HMCN1: variants seen among roughly 807,000 people sequenced by gnomAD.
HMCN1 encodes the protein hemicentin-1.
A neutral mutation model predicts 625.9 loss-of-function variants in HMCN1; 321 were observed. That is an observed-to-expected ratio of 0.51 (90% CI 0.47 to 0.56). The LOEUF (loss-of-function observed/expected upper bound fraction) is 0.56, where lower values mean the gene tolerates loss of function less well. Ranked by LOEUF, HMCN1 falls within the 20% of genes least tolerant of loss-of-function variation. The pLI is 0.00. For missense variants in HMCN1, 6,588 were observed against 6,887.3 expected, an observed-to-expected ratio of 0.96 and a Z score of 1.54; for synonymous variants, 2,425 against 2,417.6, an observed-to-expected ratio of 1.00 and a Z score of -0.09.
intron 12 of HMCN1, 59 bp from the exon 13 acceptor site, chr1:185,963,709 T>C: frequency 1.6e-6 from 2 of 1,261,460 alleles, no homozygotes; most frequent in Non-Finnish European, 1.2e-6. Context: ...CACTATATTA[T>C]CTTGATATTA....
intron 62 of HMCN1, 100 bp from the exon 63 acceptor site, chr1:186,088,506 T>C (rs1379362070): frequency 7.0e-7 from 1 of 1,423,032 alleles, no homozygotes; most frequent in African/African-American, 1.4e-5. Flanking sequence ...TTTTAAGAAA[T>C]GCATTTATCA....
At chr1:185,907,965 A>G (rs1666189309) in intron 4 of HMCN1, among the ~76,000 whole-genome samples, 1 of 151,848 alleles carries the variant, frequency 6.6e-6, no homozygotes, top group Non-Finnish European at 1.5e-5. Context: ...GTAGAGCAAA[A>G]CACTTTGTTT....
chr1:185,989,229 T>C (rs145678181), intron 20 of HMCN1, among the ~76,000 whole-genome samples: 5,471 of 152,064 alleles, frequency 0.036, 145 homozygotes, highest in Non-Finnish European at 0.054. Flanking sequence ...TCTCCTGACC[T>C]TGTGATCTGC....
chr1:186,121,698 A>C (rs908523851), intron 80 of HMCN1, among the ~76,000 whole-genome samples: 2 of 152,182 alleles, frequency 1.3e-5, no homozygotes, highest in African/African-American at 4.8e-5. Context: ...ATATATATGA[A>C]TTTGGAGCTC....
chr1:185,961,203 C>T (rs575379523), intron 11 of HMCN1, among the ~76,000 whole-genome samples: 8 of 152,284 alleles, frequency 5.3e-5, no homozygotes, highest in South Asian at 2.1e-4. Context: ...TAGCTGCTGC[C>T]GCCCAGCATA....
intron 11 of HMCN1, among the ~76,000 whole-genome samples, chr1:185,948,493 C>T (rs1668460599): frequency 1.3e-5 from 2 of 149,988 alleles, no homozygotes; most frequent in African/African-American, 4.9e-5. Flanking sequence ...GCAAGGTGCT[C>T]AGTGGGGGTG....
intron 101 of HMCN1, 101 bp from the exon 102 acceptor site, chr1:186,171,905 G>A (rs2102636975): frequency 9.9e-7 from 1 of 1,013,730 alleles, no homozygotes; most frequent in Admixed American, 2.0e-5. Flanking sequence ...TGCAATGAAT[G>A]TATATATAAA....
chr1:185,973,242 G>A (rs992094801), intron 15 of HMCN1, among the ~76,000 whole-genome samples: 1 of 152,100 alleles, frequency 6.6e-6, no homozygotes, highest in Non-Finnish European at 1.5e-5. Flanking sequence ...CATGTATCAT[G>A]TAAATGAATA....
intron 1 of HMCN1, among the ~76,000 whole-genome samples, chr1:185,765,064 T>C (rs1655782821): frequency 6.6e-6 from 1 of 152,194 alleles, no homozygotes; most frequent in African/African-American, 2.4e-5. Context: ...ATTAATGGAC[T>C]CAGTAATCTG....
At chr1:186,185,836 C>T (rs1228261155) in intron 105 of HMCN1, among the ~76,000 whole-genome samples, 1 of 152,172 alleles carries the variant, frequency 6.6e-6, no homozygotes, top group Non-Finnish European at 1.5e-5. Flanking sequence ...ATTTGACCGT[C>T]AGGACCCACC....
At chr1:185,837,959 A>G (rs1281719095) in intron 1 of HMCN1, among the ~76,000 whole-genome samples, 1 of 151,992 alleles carries the variant, frequency 6.6e-6, no homozygotes, top group Non-Finnish European at 1.5e-5. Flanking sequence ...GGATAGTAAA[A>G]CTCTTGCTAG....
rs1336861320 is a variant in HMCN1 at position 185,941,941 on chromosome 1, T to G, written c.1828+8117T>G. 4.6e-5 allele frequency among the ~76,000 whole-genome samples: 7 copies of G among 151,948 alleles called. No individual in the cohort carries two copies. In the East Asian group the frequency reaches 1.4e-3, roughly 29 times the overall value. On this transcript the variant is annotated intron_variant, in intron 11 of 106. Transcript: ENST00000271588. Reference sequence around the variant, plus strand: ...GGTGTGGTGGCTCATGCCTGTTATCTCAGCACTTTGGGAGGCAAGATGGGC... The same window carrying G: ...GGTGTGGTGGCTCATGCCTGTTATCGCAGCACTTTGGGAGGCAAGATGGGC...
At chr1:185,790,765 G>A (rs74135330) in intron 1 of HMCN1, among the ~76,000 whole-genome samples, 1 of 152,162 alleles carries the variant, frequency 6.6e-6, no homozygotes, top group Non-Finnish European at 1.5e-5. Context: ...CACATTCTCC[G>A]ATGTTCTCTC....
chr1:186,160,472 G>A (rs1411489599), intron 97 of HMCN1, among the ~76,000 whole-genome samples: 2 of 150,126 alleles, frequency 1.3e-5, no homozygotes, highest in East Asian at 3.9e-4. Flanking sequence ...GCTTTTGAAT[G>A]TGTTTGCTCT....
chr1:185,809,710 T>C (rs1339069229), intron 1 of HMCN1, among the ~76,000 whole-genome samples: 2 of 152,062 alleles, frequency 1.3e-5, no homozygotes, highest in Non-Finnish European at 2.9e-5. Flanking sequence ...ACATACTTTT[T>C]GATATATGGG....
chr1:186,170,196 C>G (rs980529452), intron 100 of HMCN1, among the ~76,000 whole-genome samples: 10 of 151,530 alleles, frequency 6.6e-5, no homozygotes, highest in African/African-American at 2.4e-4. Context: ...GGTGGAGAAA[C>G]AATAAGATGC....
chr1:186,164,227 A>G (rs975359652), intron 97 of HMCN1, among the ~76,000 whole-genome samples: 2 of 147,762 alleles, frequency 1.4e-5, no homozygotes, highest in Admixed American at 6.7e-5. Flanking sequence ...TGTTTCTGAC[A>G]TCTAACTTAA....
At chr1:185,948,865 C>G (rs1400533666) in intron 11 of HMCN1, among the ~76,000 whole-genome samples, 2 of 151,376 alleles carry the variant, frequency 1.3e-5, no homozygotes, top group Admixed American at 1.3e-4. Flanking sequence ...GGATTAGGGG[C>G]GGCGTGGGAA....
intron 23 of HMCN1, 55 bp downstream of exon 23, chr1:185,993,364 C>A (rs772341819): frequency 6.3e-7 from 1 of 1,599,250 alleles, no homozygotes; most frequent in Admixed American, 1.7e-5. Flanking sequence ...ACACAAAAAC[C>A]CGTAATCCTA....
Sources: allele counts gnomAD v4.1 joint callset (sites outside exome capture counted in the v4.1 genomes callset), GRCh38; gene constraint gnomAD v4.1.1; transcripts MANE v1.5; gene names NCBI Gene and HGNC (gene_info 2026-07-23, HGNC 2026-07-21).